Variants in CARD9 observed in about 807,000 individuals in gnomAD.
The protein encoded by CARD9 is caspase recruitment domain-containing protein 9.
A neutral mutation model predicts 66.0 loss-of-function variants in CARD9; 53 were observed. The observed-to-expected ratio is 0.80, with a 90% confidence interval of 0.64 to 1.01. The LOEUF (loss-of-function observed/expected upper bound fraction) is 1.01. CARD9 is among the 50% of genes least tolerant of loss of function. The pLI is 0.00. For missense variants in CARD9, 769 were observed against 743.2 expected (o/e 1.03, Z -0.40); for synonymous variants, 387 against 313.8 (o/e 1.23, Z -2.47).
At chr9:136,370,254 T>G in intron 6 of CARD9, 40 bp downstream of exon 6, 1 of 1,587,286 alleles carries the variant, frequency 6.3e-7, no homozygotes, top group Non-Finnish European at 8.5e-7. Context: ...CCAGCCTGGC[T>G]TGGACCCCAG....
chr9:136,370,773 C>T (rs760577746), intron 4 of CARD9, 68 bp downstream of exon 4: 91 of 1,605,488 alleles, frequency 5.7e-5, no homozygotes, highest in Admixed American at 3.4e-4. Context: ...CACCCCCGAC[C>T]GCCCCGGCCT....
At chr9:136,370,040 C>A (rs1054716907) in intron 6 of CARD9, 165 bp from the exon 7 acceptor site, 3 of 1,437,912 alleles carry the variant, frequency 2.1e-6, no homozygotes, top group Non-Finnish European at 2.8e-6. Context: ...TTCCAGACCG[C>A]GGCAGGACAG....
Position 136,364,486 on chromosome 9 carries a change from C to T in CARD9, c.1508G>A (p.Arg503His). ...AGCCTGGGGGCCGCCCGCCTACCTGCGGTAGTTCTCAAAACTCTCTTTGAG... is the reference window on the plus strand; with the variant it reads ...AGCCTGGGGGCCGCCCGCCTACCTGTGGTAGTTCTCAAAACTCTCTTTGAG... ...RRLKESFENYRRKRALRKMQK... is the reference protein window; with the variant it reads ...RRLKESFENYHRKRALRKMQK... The change falls in exon 12 of 13, where the codon CGC becomes CAC. Residue 503 changes from arginine to histidine, a missense_variant. Transcript: ENST00000371732. The T allele has an allele frequency of 1.3e-6, 2 of 1,540,016 alleles. No homozygotes were observed. Among genetic ancestry groups the T allele is most frequent in the African/African-American group, 1.4e-5 (1 of 73,152 alleles).
At chr9:136,370,229 C>T (rs912362117) in intron 6 of CARD9, 65 bp downstream of exon 6, 9 of 1,567,600 alleles carry the variant, frequency 5.7e-6, no homozygotes, top group Admixed American at 1.8e-5. Flanking sequence ...ACGGAGTGGG[C>T]GGAGCTCAGC....
At chr9:136,365,402 G>C (rs1833099529) in intron 10 of CARD9, 185 bp from the exon 11 acceptor site, 3 of 607,878 alleles carry the variant, frequency 4.9e-6, no homozygotes, top group Non-Finnish European at 8.8e-6. Flanking sequence ...TCGCTTGCCT[G>C]TTCATTGCTC....
chr9:136,371,198 C>T, intron 3 of CARD9, 53 bp from the exon 4 acceptor site: 2 of 1,603,186 alleles, frequency 1.2e-6, no homozygotes, highest in Non-Finnish European at 1.7e-6. Flanking sequence ...GGCCCAGCTC[C>T]ATCACGCCCT....
rs1002284277 is a variant in CARD9, at chr9:136,363,966, C to T, written c.*336G>A. The T allele has an allele frequency of 9.4e-7, 1 of 1,061,400 alleles. No individual in the cohort carries two copies. The highest frequency in any genetic ancestry group is 1.4e-6 in the Non-Finnish European group (1 of 708,610). 65.7% of individuals were successfully genotyped at this position (1,061,400 alleles called of 1,614,324 possible). A position where few individuals can be genotyped will look rare whatever the true frequency, so the allele number is the denominator to read the frequency against. The stretch of plus-strand genomic sequence containing the variant: ...GTGTCCGAGCGGGAATGCGGGTCAC[C>T]CGTGCTGTTTATTTACGCAGCTGTG... On this transcript the variant is annotated 3_prime_UTR_variant, in exon 13 of 13. Coordinates refer to ENST00000371732, the MANE Select transcript of CARD9 (RefSeq NM_052813.5).
intron 7 of CARD9, among the ~76,000 whole-genome samples, chr9:136,369,412 G>A (rs910511711): frequency 3.3e-5 from 5 of 152,202 alleles, no homozygotes; most frequent in African/African-American, 9.7e-5. Context: ...AAGGTGGAGC[G>A]GGAAGGTTGA....
At chr9:136,364,897 A>G (rs4073153) in intron 11 of CARD9, 246,568 of 594,280 alleles carry the variant, frequency 0.41, 52,298 homozygotes, top group Admixed American at 0.5. Flanking sequence ...AGGCCCTCGG[A>G]AAACCAGGAC....
At chr9:136,365,479 GCTGC>G in intron 10 of CARD9, 1 of 557,380 alleles carries the variant, frequency 1.8e-6, no homozygotes, top group South Asian at 2.1e-5. Context: ...CCCCGAGCTG[GCTGC>G]CTGCCAGGGA....
intron 6 of CARD9, 199 bp from the exon 7 acceptor site, chr9:136,370,074 C>T: frequency 3.6e-6 from 5 of 1,391,204 alleles, no homozygotes; most frequent in Non-Finnish European, 4.8e-6. Context: ...GCCTCAGACA[C>T]TGCTGTGCCT....
chr9:136,364,218 T>G lies in CARD9; in HGVS notation c.*84A>C, dbSNP rs1479819513. Reference sequence around the variant, plus strand: ...CCAAGTCAGCGACGGCTCGGGGAAGTCTGCGCCCCAGGGCGTCGGCACCCC... The same window carrying G: ...CCAAGTCAGCGACGGCTCGGGGAAGGCTGCGCCCCAGGGCGTCGGCACCCC... On this transcript the variant is annotated 3_prime_UTR_variant, in exon 13 of 13. Transcript: ENST00000371732. 1 of 1,550,416 alleles carries G rather than the reference T, an allele frequency of 6.4e-7. No individual in the cohort carries two copies. Among genetic ancestry groups the G allele is most frequent in the Admixed American group, 2.0e-5 (1 of 51,004 alleles).
chr9:136,367,306 C>T, intron 8 of CARD9, 49 bp from the exon 9 acceptor site: 1 of 1,597,524 alleles, frequency 6.3e-7, no homozygotes, highest in South Asian at 1.1e-5. Flanking sequence ...CAGAGGGCTC[C>T]CCAGGCACAG....
chr9:136,364,427 GACCCGGC>G, intron 12 of CARD9, 26 bp from the exon 13 acceptor site: 2 of 1,542,280 alleles, frequency 1.3e-6, no homozygotes, highest in South Asian at 2.4e-5. Context: ...TCTCAGGCGC[GACCCGGC>G]TGCCGCTCCC....
intron 11 of CARD9, 183 bp downstream of exon 11, chr9:136,364,958 A>AAGG (rs34449643): frequency 0.42 from 257,502 of 618,498 alleles, 55,012 homozygotes; most frequent in Admixed American, 0.51. Flanking sequence ...GTGCCCAAGA[A>AAGG]AGGGGGATCC....
At chr9:136,364,700 T>G in intron 11 of CARD9, 141 bp from the exon 12 acceptor site, 1 of 812,470 alleles carries the variant, frequency 1.2e-6, no homozygotes, top group Non-Finnish European at 1.9e-6. Flanking sequence ...CGCCAAGCTC[T>G]CCCTGTGGGA....
intron 10 of CARD9, 101 bp from the exon 11 acceptor site, chr9:136,365,318 A>G: frequency 1.8e-6 from 2 of 1,139,470 alleles, no homozygotes; most frequent in Non-Finnish European, 2.6e-6. Flanking sequence ...GCTGTCTTCC[A>G]AGGCCTGGTG....
chr9:136,365,250 C>G, intron 10 of CARD9, 33 bp from the exon 11 acceptor site: 1 of 1,600,610 alleles, frequency 6.2e-7, no homozygotes, highest in Non-Finnish European at 8.5e-7. Flanking sequence ...TGGGACCTGC[C>G]CATCTGCTGG....
chr9:136,370,079 G>A, intron 6 of CARD9: 1 of 1,386,844 alleles, frequency 7.2e-7, no homozygotes, highest in Non-Finnish European at 9.6e-7. Context: ...AGACACTGCT[G>A]TGCCTCAGGC....
Sources: gnomAD v4.1 joint callset for allele counts (sites outside exome capture counted in the v4.1 genomes callset) on GRCh38, gnomAD v4.1.1 for gene constraint, MANE v1.5 for transcripts, NCBI Gene and HGNC (gene_info 2026-07-23, HGNC 2026-07-21) for gene names.